The following STAM2 variants were observed in gnomAD, a reference collection of about 807,000 sequenced individuals.
STAM2 encodes the protein signal transducing adapter molecule 2.
Under a neutral mutation model 65.6 loss-of-function variants are expected in STAM2, and 51 were observed. The observed-to-expected ratio is 0.78, with a 90% confidence interval of 0.62 to 0.98. STAM2 has a LOEUF of 0.98. STAM2 is among the 50% of genes least tolerant of loss of function. STAM2 has a pLI of 0.00. For missense variants in STAM2, 584 were observed against 617.8 expected, an observed-to-expected ratio of 0.95 and a Z score of 0.58; for synonymous variants, 198 against 208.4, an observed-to-expected ratio of 0.95 and a Z score of 0.43.
chr2:152,123,877 G>C lies in STAM2; in HGVS notation c.1238C>G (p.Thr413Ser). 1.9e-6 allele frequency: 3 copies of C among 1,614,140 alleles called. No homozygotes were observed. The highest frequency in any genetic ancestry group is 2.5e-6 in the Non-Finnish European group (3 of 1,179,998). ...TCCTAGGCTATAGCTTTGGGCAACA[G>C]TTACTTGGTGAATGCTCTGACCCAT... is the stretch of plus-strand genomic sequence containing the variant. ...NYMGQSIHQV[T>S]VAQSYSLGPD... The change falls in exon 13 of 14, where the codon ACT becomes AGT. Residue 413 changes from threonine to serine, a missense_variant. Transcript: ENST00000263904.
intron 1 of STAM2, among the ~76,000 whole-genome samples, chr2:152,160,098 G>C (rs1293144714): frequency 6.6e-6 from 1 of 152,182 alleles, no homozygotes; most frequent in Non-Finnish European, 1.5e-5. Context: ...CCTCCCAGCC[G>C]CCTGCCTTGG....
chr2:152,136,138 T>C (rs1025570626), intron 7 of STAM2, among the ~76,000 whole-genome samples: 4 of 151,498 alleles, frequency 2.6e-5, no homozygotes, highest in Non-Finnish European at 5.9e-5. Flanking sequence ...AATCATTTTT[T>C]ATTCTGGACT....
At chr2:152,127,654 TGTAA>T (rs957193624) in intron 11 of STAM2, among the ~76,000 whole-genome samples, 7 of 151,692 alleles carry the variant, frequency 4.6e-5, no homozygotes, top group East Asian at 1.9e-4. Flanking sequence ...AAAAACAATG[TGTAA>T]GTAAGACTAA....
At position 152,148,109 on chromosome 2, in the gene STAM2, CAAGCCCCAAG is replaced by C; in HGVS notation, c.205_214del (p.Leu69ValfsTer11). ...AAATATCTTTCCACAGTTTGCCACA[CAAGCCCCAAG>C]AAGCTATTAATTGAAATAAAAATAT... On this transcript the variant is annotated frameshift_variant, in exon 4 of 14. Coordinates refer to ENST00000263904, the MANE Select transcript of STAM2 (RefSeq NM_005843.6). LOFTEE classifies it high-confidence loss of function. 3 of 1,608,646 alleles carry C rather than the reference CAAGCCCCAAG, an allele frequency of 1.9e-6. No individual in the cohort carries two copies. The highest frequency in any genetic ancestry group is 2.5e-6 in the Non-Finnish European group (3 of 1,177,694).
chr2:152,133,910 A>G (rs1293697032), intron 8 of STAM2, among the ~76,000 whole-genome samples: 3 of 152,226 alleles, frequency 2.0e-5, no homozygotes, highest in Non-Finnish European at 4.4e-5. Context: ...TTTCATAGTT[A>G]CATCTACGAG....
chr2:152,124,981 C>T lies in STAM2; in HGVS notation c.1180-1046G>A, dbSNP rs562762001. On this transcript the variant is annotated intron_variant, in intron 12 of 13. Transcript: ENST00000263904. ...GAGTGAACAGTGTAGGTACAGATTA[C>T]GTGAGGAATCAAACAGAAAGTTAAC... is the stretch of plus-strand genomic sequence containing the variant. 3.9e-5 allele frequency among the ~76,000 whole-genome samples: 6 copies of T among 152,254 alleles called. No homozygotes were observed. In the South Asian group the frequency reaches 1.2e-3, roughly 32 times the overall value.
rs1688772102 is a variant in STAM2, at chr2:152,117,612, T to A, written c.*2962A>T. On this transcript the variant is annotated 3_prime_UTR_variant, in exon 14 of 14. Coordinates refer to ENST00000263904, the MANE Select transcript of STAM2 (RefSeq NM_005843.6). ...GTACCTTCCGATAGAAATAAAGCAT[T>A]ATAGATCAGTGCTATTTATAATTTA... 1 of 152,202 alleles carries A rather than the reference T, an allele frequency of 6.6e-6. No individual in the cohort carries two copies. 9.4% of individuals were successfully genotyped at this position (152,202 alleles called of 1,614,324 possible). A position where few individuals can be genotyped will look rare whatever the true frequency, so the allele number is the denominator to read the frequency against.
chr2:152,139,785 C>G (rs2105541739), intron 7 of STAM2, among the ~76,000 whole-genome samples: 1 of 152,154 alleles, frequency 6.6e-6, no homozygotes, highest in Non-Finnish European at 1.5e-5. Flanking sequence ...CATCCATGGA[C>G]TCAACAAACC....
intron 1 of STAM2, among the ~76,000 whole-genome samples, chr2:152,157,192 G>A (rs908667493): frequency 5.3e-5 from 8 of 152,154 alleles, no homozygotes; most frequent in Admixed American, 1.3e-4. Context: ...TTAACCAGAG[G>A]CCCTTGGCCA....
chr2:152,149,143 G>T (rs957421298), intron 2 of STAM2, among the ~76,000 whole-genome samples: 1 of 151,868 alleles, frequency 6.6e-6, no homozygotes, highest in Non-Finnish European at 1.5e-5. Flanking sequence ...ATTATTTGAA[G>T]ACTTTTTTGT....
At position 152,159,110 on chromosome 2, in the gene STAM2, T is replaced by TATATATATATATATATAC. The variant is rs575009275; in HGVS notation, c.41-8882_41-8881insGTATATATATATATATAT. Among the ~76,000 whole-genome samples the TATATATATATATATATAC allele has an allele frequency of 0.032, 4,093 of 128,690 alleles. 326 individuals are homozygous for TATATATATATATATATAC. In the East Asian group the frequency reaches 0.33, roughly 10 times the overall value. The allele number at this position is 128,690 out of a possible 152,430, so 84.4% of individuals were successfully genotyped here. On this transcript the variant is annotated intron_variant, in intron 1 of 13. Transcript: ENST00000263904. ...AAAAAAAACCATATATATATATATA[T>TATATATATATATATATAC]ACACACACAGATATATATAATTTTT...
intron 1 of STAM2, among the ~76,000 whole-genome samples, chr2:152,161,956 G>A (rs912957740): frequency 6.6e-6 from 1 of 151,990 alleles, no homozygotes; most frequent in Admixed American, 6.6e-5. Flanking sequence ...TGGAGTTGCT[G>A]GGATTACAGG....
intron 7 of STAM2, among the ~76,000 whole-genome samples, chr2:152,143,575 A>G (rs2105545034): frequency 6.6e-6 from 1 of 152,322 alleles, no homozygotes; most frequent in South Asian, 2.1e-4. Flanking sequence ...ATGTTTCCCA[A>G]TTGTGGTCAT....
chr2:152,131,280 C>T (rs1403858793), intron 11 of STAM2, among the ~76,000 whole-genome samples: 1 of 152,074 alleles, frequency 6.6e-6, no homozygotes, highest in Non-Finnish European at 1.5e-5. Flanking sequence ...TGGTGAAACC[C>T]TGTTTCTACC....
At chr2:152,122,448 G>A (rs1688873013) in intron 13 of STAM2, among the ~76,000 whole-genome samples, 1 of 151,982 alleles carries the variant, frequency 6.6e-6, no homozygotes, top group Non-Finnish European at 1.5e-5. Flanking sequence ...AAAAAATTAT[G>A]TAATTTTAAA....
intron 11 of STAM2, among the ~76,000 whole-genome samples, chr2:152,131,045 T>A: frequency 6.7e-6 from 1 of 149,378 alleles, no homozygotes. Context: ...TAGGATAAAA[T>A]TAAAAGAGCA....
In STAM2 at chr2:152,120,411, A is replaced by C. The variant is rs998292914; in HGVS notation, c.*163T>G. The C allele has an allele frequency of 1.4e-5, 8 of 579,896 alleles. No individual in the cohort carries two copies. Among genetic ancestry groups the C allele is most frequent in the Non-Finnish European group, 2.4e-5 (8 of 339,386 alleles). The allele number at this position is 579,896 out of a possible 1,614,324, so 35.9% of individuals were successfully genotyped here. A position where few individuals can be genotyped will look rare whatever the true frequency, so the allele number is the denominator to read the frequency against. The stretch of plus-strand genomic sequence containing the variant: ...AACTGGACTGAAAAAAAAAAAAAAA[A>C]AAAACCTTTTATGGCCTTGTAGAAT... On this transcript the variant is annotated 3_prime_UTR_variant, in exon 14 of 14. Transcript: ENST00000263904.
chr2:152,170,934 T>C (rs1402632053), intron 1 of STAM2, among the ~76,000 whole-genome samples: 3 of 152,096 alleles, frequency 2.0e-5, no homozygotes, highest in African/African-American at 7.2e-5. Context: ...AAGCAGAGGT[T>C]GCAGTGAGCT....
chr2:152,164,315 A>C (rs1689737532), intron 1 of STAM2, among the ~76,000 whole-genome samples: 1 of 152,194 alleles, frequency 6.6e-6, no homozygotes, highest in East Asian at 1.9e-4. Context: ...TTACAAGCAA[A>C]GAATCAGGCA....
Sources: gnomAD v4.1 joint callset for allele counts (sites outside exome capture counted in the v4.1 genomes callset) on GRCh38, gnomAD v4.1.1 for gene constraint, MANE v1.5 for transcripts, NCBI Gene and HGNC (gene_info 2026-07-23, HGNC 2026-07-21) for gene names.